Variants in TTC28 observed in about 807,000 individuals in gnomAD.
TTC28 encodes the protein tetratricopeptide repeat protein 28.
TTC28 carries 61 observed loss-of-function variants against 198.0 expected under a neutral mutation model. The ratio of observed to expected loss-of-function variants is 0.31; its 90% CI spans 0.25 to 0.38. TTC28 has a LOEUF of 0.38. Ranked by LOEUF, TTC28 falls within the 10% of genes least tolerant of loss-of-function variation. The pLI, the probability that TTC28 is intolerant of heterozygous loss-of-function variation, is 1.00. For missense variants in TTC28, 2,678 were observed against 3,164.0 expected (o/e 0.85, Z 3.69); for synonymous variants, 1,171 against 1,297.8 (o/e 0.90, Z 2.10).
intron 2 of TTC28, among the ~76,000 whole-genome samples, chr22:28,411,071 T>A (rs1195819882): frequency 6.6e-6 from 1 of 152,312 alleles, no homozygotes; most frequent in Admixed American, 6.5e-5. Context: ...GTGTAAGAAA[T>A]AGATGGACTA....
intron 2 of TTC28, among the ~76,000 whole-genome samples, chr22:28,433,041 TGG>T (rs1446204277): frequency 6.6e-6 from 1 of 152,186 alleles, no homozygotes; most frequent in African/African-American, 2.4e-5. Flanking sequence ...CTACATCAAG[TGG>T]TTATATGGAT....
At chr22:28,037,016 C>A (rs533118596) in intron 12 of TTC28, among the ~76,000 whole-genome samples, 2 of 152,222 alleles carry the variant, frequency 1.3e-5, no homozygotes, top group Non-Finnish European at 2.9e-5. Flanking sequence ...GAAATTGAGG[C>A]AATAATTAAT....
intron 1 of TTC28, among the ~76,000 whole-genome samples, chr22:28,669,278 T>C (rs1012890005): frequency 3.5e-5 from 5 of 142,306 alleles, no homozygotes; most frequent in Middle Eastern, 3.6e-3. Context: ...AATGTGCACA[T>C]GTACCCTAAA....
At chr22:28,425,939 G>C (rs995453200) in intron 2 of TTC28, among the ~76,000 whole-genome samples, 1 of 152,148 alleles carries the variant, frequency 6.6e-6, no homozygotes, top group Non-Finnish European at 1.5e-5. Flanking sequence ...GGCTGAGCAC[G>C]GTGGCTCACG....
chr22:28,444,371 T>C (rs1179688063), intron 2 of TTC28, among the ~76,000 whole-genome samples: 1 of 152,194 alleles, frequency 6.6e-6, no homozygotes, highest in Non-Finnish European at 1.5e-5. Context: ...TGCAGATTGA[T>C]CACTAACTAT....
At chr22:28,669,302 T>TGA (rs1555909474) in intron 1 of TTC28, among the ~76,000 whole-genome samples, 1 of 117,354 alleles carries the variant, frequency 8.5e-6, no homozygotes, top group Non-Finnish European at 1.8e-5. Flanking sequence ...TAGAGTATAA[T>TGA]AAAAAAAAAA....
In TTC28 at chr22:28,157,580, T is replaced by A. The variant is rs186777467; in HGVS notation, c.1441+5512A>T. Among the ~76,000 whole-genome samples, 468 of 152,302 alleles carry A rather than the reference T, an allele frequency of 3.1e-3. 4 individuals are homozygous for A. The highest frequency in any genetic ancestry group is 4.6e-3 in the Non-Finnish European group (313 of 68,020). ...AACAATATATTAGAAAGATTATTCA[T>A]CATGACCTAGTGGGATTTATCATAG... On this transcript the variant is annotated intron_variant, in intron 6 of 22. Coordinates refer to ENST00000397906, the MANE Select transcript of TTC28 (RefSeq NM_001145418.2).
intron 2 of TTC28, among the ~76,000 whole-genome samples, chr22:28,536,344 G>T (rs1157910270): frequency 1.3e-5 from 2 of 151,948 alleles, no homozygotes; most frequent in Non-Finnish European, 2.9e-5. Flanking sequence ...CTTAGAGGCG[G>T]CCGGGCGCGG....
chr22:28,425,454 T>C (rs2047335963), intron 2 of TTC28, among the ~76,000 whole-genome samples: 1 of 152,142 alleles, frequency 6.6e-6, no homozygotes, highest in African/African-American at 2.4e-5. Context: ...GGGTTTAAGA[T>C]CAAGTGGCAG....
Position 28,001,526 on chromosome 22 carries a change from C to T in TTC28, c.4246G>A (p.Gly1416Ser). The part of the protein sequence containing the change: ...GGLMHSSGPV[G>S]RHRQLILVLE... Reference sequence around the variant, plus strand: ...ACCAGGATGAGCTGCCGGTGCCGGCCCACGGGGCCGCTGGAGTGCATCAGG... The same window carrying T: ...ACCAGGATGAGCTGCCGGTGCCGGCTCACGGGGCCGCTGGAGTGCATCAGG... Residue 1416 changes from glycine to serine, a missense_variant, in exon 15 of 23, where the codon GGC becomes AGC. Physicochemically the swap from Gly to Ser is moderately conservative, Grantham distance 56 (BLOSUM62 0). Around this residue, in one of 8 missense-constraint regions of TTC28, gnomAD observed 727 missense variants for 861.9 expected, o/e 0.84. Transcript: ENST00000397906. 6.4e-7 allele frequency: 1 copy of T among 1,551,188 alleles called. No individual in the cohort carries two copies. The highest frequency in any genetic ancestry group is 8.7e-7 in the Non-Finnish European group (1 of 1,146,886).
intron 12 of TTC28, among the ~76,000 whole-genome samples, chr22:28,036,693 A>G (rs934112975): frequency 1.2e-4 from 18 of 152,222 alleles, no homozygotes; most frequent in African/African-American, 4.3e-4. Context: ...GGAGATAGAG[A>G]CATAAAAAAC....
intron 2 of TTC28, among the ~76,000 whole-genome samples, chr22:28,531,750 G>T (rs1391532593): frequency 6.6e-6 from 1 of 152,182 alleles, no homozygotes. Context: ...TCAGGATTAA[G>T]AAACTCACTC....
intron 5 of TTC28, among the ~76,000 whole-genome samples, chr22:28,283,337 C>T (rs562405995): frequency 6.6e-6 from 1 of 151,912 alleles, no homozygotes; most frequent in African/African-American, 2.4e-5. Context: ...CACACACACA[C>T]ACACACACAC....
Position 28,371,598 on chromosome 22 carries a change from A to ATTTTTTTTTTTTTTTTTTTTT in TTC28, c.382-64956_382-64955insAAAAAAAAAAAAAAAAAAAAA, listed in dbSNP as rs1409625873. ...ATCTTAACCAAAAAAAAAAAAAAAA[A>ATTTTTTTTTTTTTTTTTTTTT]TTTTTTTTTTTTTTGAGACAGAGTC... On this transcript the variant is annotated intron_variant, in intron 2 of 22. Coordinates refer to ENST00000397906, the MANE Select transcript of TTC28 (RefSeq NM_001145418.2). 9.2e-3 allele frequency among the ~76,000 whole-genome samples: 254 copies of ATTTTTTTTTTTTTTTTTTTTT among 27,754 alleles called. 98 individuals carry two copies. The highest frequency in any genetic ancestry group is 0.015 in the African/African-American group (103 of 6,976). 18.2% of individuals were successfully genotyped at this position (27,754 alleles called of 152,430 possible).
At chr22:28,299,442 A>G (rs2044971154) in intron 3 of TTC28, among the ~76,000 whole-genome samples, 3 of 152,132 alleles carry the variant, frequency 2.0e-5, no homozygotes, top group South Asian at 2.1e-4. Flanking sequence ...TTTTCCTTCA[A>G]TCAGATCACT....
intron 5 of TTC28, among the ~76,000 whole-genome samples, chr22:28,258,940 C>T: frequency 6.7e-6 from 1 of 149,912 alleles, no homozygotes; most frequent in East Asian, 2.0e-4. Context: ...TGTCCTACAA[C>T]CTCACACTTT....
At chr22:28,004,347 G>A (rs1937845288) in intron 14 of TTC28, among the ~76,000 whole-genome samples, 1 of 152,192 alleles carries the variant, frequency 6.6e-6, no homozygotes, top group Non-Finnish European at 1.5e-5. Context: ...CGGGAGAGGG[G>A]GCTGTACCCA....
rs73882773 is a variant in TTC28 at position 28,520,499 on chromosome 22, T to C, written c.381+109053A>G. ...GTCAAACTACTGATTTCAGGTAGGA[T>C]AGAATCATCTGTGGCAGACCAACTC... On this transcript the variant is annotated intron_variant, in intron 2 of 22. Transcript: ENST00000397906. Among the ~76,000 whole-genome samples, 480 of 152,324 alleles carry C rather than the reference T, an allele frequency of 3.2e-3. 6 individuals carry two copies. The highest frequency in any genetic ancestry group is 0.011 in the African/African-American group (458 of 41,568).
chr22:27,981,418 GTTGTT>G lies in TTC28; in HGVS notation c.*798_*802del, dbSNP rs1330751441. 2.7e-5 allele frequency: 4 copies of G among 148,814 alleles called. No homozygotes were observed. The highest frequency in any genetic ancestry group is 4.5e-5 in the Non-Finnish European group (3 of 67,052). The allele number at this position is 148,814 out of a possible 1,614,324, so 9.2% of individuals were successfully genotyped here. A position where few individuals can be genotyped will look rare whatever the true frequency, so the allele number is the denominator to read the frequency against. On this transcript the variant is annotated 3_prime_UTR_variant, in exon 23 of 23. Transcript: ENST00000397906. ...AAAGTACTATTGATAATAAAACCAAGTTGTTTATCCATATACAAAAAAGGTCAATA... is the reference window on the plus strand; with the variant it reads ...AAAGTACTATTGATAATAAAACCAAGTATCCATATACAAAAAAGGTCAATA...
Sources: gnomAD v4.1 joint callset for allele counts (sites outside exome capture counted in the v4.1 genomes callset) on GRCh38, gnomAD v4.1.1 for gene constraint, gnomAD v4.1.1 regional missense constraint, MANE v1.5 for transcripts, NCBI Gene and HGNC (gene_info 2026-07-23, HGNC 2026-07-21) for gene names.